TTC6: variants seen among roughly 807,000 people sequenced by gnomAD.
The protein encoded by TTC6 is tetratricopeptide repeat domain 6.
Under a neutral mutation model 210.4 loss-of-function variants are expected in TTC6, and 172 were observed. The ratio of observed to expected loss-of-function variants is 0.82; its 90% CI spans 0.72 to 0.93. TTC6 has a LOEUF of 0.93. Ranked by LOEUF, TTC6 falls within the 40% of genes least tolerant of loss-of-function variation. The pLI is 0.00. For missense variants in TTC6, 2,414 were observed against 2,318.1 expected (o/e 1.04, Z -0.85); for synonymous variants, 804 against 819.6 (o/e 0.98, Z 0.32).
At chr14:37,716,613 C>G (rs906747744) in intron 6 of TTC6, among the ~76,000 whole-genome samples, 1 of 152,058 alleles carries the variant, frequency 6.6e-6, no homozygotes, top group Admixed American at 6.6e-5. Flanking sequence ...ATAAAAGTGT[C>G]AGCACATCAA....
In TTC6 at chr14:37,650,076, T is replaced by G. The variant is rs921838488; in HGVS notation, c.939+27073T>G. On this transcript the variant is annotated intron_variant, in intron 1 of 30. Coordinates refer to ENST00000553443, the Ensembl canonical transcript of TTC6. ...TGCTTAGTCTTTCAGAAGAAACACT[T>G]TCTAAAATCTGCTATACTCATTCCC... Among the ~76,000 whole-genome samples the G allele has an allele frequency of 2.6e-5, 4 of 152,212 alleles. 1 individual carries two copies. The highest frequency in any genetic ancestry group is 9.7e-5 in the African/African-American group (4 of 41,444).
chr14:37,615,551 A>T (rs1341545641), intron 2 of TTC6, among the ~76,000 whole-genome samples: 1 of 151,720 alleles, frequency 6.6e-6, no homozygotes, highest in Non-Finnish European at 1.5e-5. Flanking sequence ...TGACATCTCC[A>T]TTTTCCTAAT....
upstream of TTC6, among the ~76,000 whole-genome samples, chr14:37,620,106 G>T (rs908160087): frequency 6.6e-6 from 1 of 152,106 alleles, no homozygotes; most frequent in East Asian, 1.9e-4. Flanking sequence ...TACCATTATA[G>T]TAAAAAAATT....
chr14:37,611,679 AGG>A (rs1254619238), intron 2 of TTC6, among the ~76,000 whole-genome samples: 1 of 152,006 alleles, frequency 6.6e-6, no homozygotes, highest in East Asian at 1.9e-4. Flanking sequence ...AAGGAGAAAG[AGG>A]GGGATTCAAA....
intron 8 of TTC6, among the ~76,000 whole-genome samples, chr14:37,737,405 G>T (rs139247035): frequency 2.7e-5 from 4 of 147,762 alleles, no homozygotes; most frequent in African/African-American, 9.8e-5. Flanking sequence ...CAGGTACTTG[G>T]TGTTTGTTAT....
In TTC6 at chr14:37,751,308, A is replaced by G. The variant is rs892573759; in HGVS notation, c.3129+83A>G. ...TGCAAATAGTACAGCAAGTTTTTGA[A>G]GGTCTTTTTGTATATATTATATAAT... On this transcript the variant is annotated intron_variant, in intron 13 of 30. Coordinates refer to ENST00000553443, the Ensembl canonical transcript of TTC6. 161 of 1,032,518 alleles carry G rather than the reference A, an allele frequency of 1.6e-4. 1 individual carries two copies. The highest frequency in any genetic ancestry group is 2.4e-4 in the Admixed American group (7 of 29,472). 64.0% of individuals were successfully genotyped at this position (1,032,518 alleles called of 1,614,324 possible).
At position 37,795,255 on chromosome 14, in the gene TTC6, T is replaced by C; in HGVS notation, c.3709-15T>C. On this transcript the variant is annotated splice_polypyrimidine_tract_variant and intron_variant, in intron 17 of 30. Transcript: ENST00000553443. ...GATGTTATTAGGAGCTAAATTTCTG[T>C]TTCTCACTCAACAGTTGCATAAATT... 6.6e-7 allele frequency: 1 copy of C among 1,519,344 alleles called. No individual in the cohort carries two copies. The highest frequency in any genetic ancestry group is 2.5e-5 in the East Asian group (1 of 40,386). The allele number at this position is 1,519,344 out of a possible 1,614,324, so 94.1% of individuals were successfully genotyped here. A position where few individuals can be genotyped will look rare whatever the true frequency, so the allele number is the denominator to read the frequency against.
intron 2 of TTC6, among the ~76,000 whole-genome samples, chr14:37,614,938 A>C (rs1431516705): frequency 1.3e-5 from 2 of 151,996 alleles, no homozygotes; most frequent in Non-Finnish European, 2.9e-5. Flanking sequence ...GTACAGATGG[A>C]GTTTCACCAT....
At chr14:37,623,150 C>T in intron 1 of TTC6, 147 bp downstream of exon 3, 1 of 591,892 alleles carries the variant, frequency 1.7e-6, no homozygotes, top group Non-Finnish European at 2.7e-6. Flanking sequence ...TATTCAACTT[C>T]TTTGCATTTT....
chr14:37,621,006 C>T (rs1365627802), upstream of TTC6, among the ~76,000 whole-genome samples: 1 of 152,168 alleles, frequency 6.6e-6, no homozygotes, highest in African/African-American at 2.4e-5. Flanking sequence ...TTTCCAGTAG[C>T]TCACAGAAAA....
At chr14:37,713,942 A>G (rs1013114452) in intron 5 of TTC6, among the ~76,000 whole-genome samples, 2 of 152,166 alleles carry the variant, frequency 1.3e-5, no homozygotes, top group Non-Finnish European at 1.5e-5. Context: ...TGATATATCT[A>G]TATTATGTAT....
At chr14:37,817,831 A>T (rs2096145802) in intron 26 of TTC6, among the ~76,000 whole-genome samples, 180 bp downstream of exon 28, 1 of 152,168 alleles carries the variant, frequency 6.6e-6, no homozygotes, top group Non-Finnish European at 1.5e-5. Context: ...GACCACACTT[A>T]GTGTTCCTCA....
intron 1 of TTC6, among the ~76,000 whole-genome samples, chr14:37,679,332 A>G (rs1368952316): frequency 6.6e-6 from 1 of 152,134 alleles, no homozygotes; most frequent in South Asian, 2.1e-4. Flanking sequence ...CACAGTTTGG[A>G]TGGACAGAAC....
At chr14:37,835,331 T>C (rs1016191907) in intron 29 of TTC6, among the ~76,000 whole-genome samples, 1 of 152,198 alleles carries the variant, frequency 6.6e-6, no homozygotes, top group Non-Finnish European at 1.5e-5. Context: ...TAAGAGGTTT[T>C]TTTTGTGTGT....
exon 31 of TTC6, chr14:37,842,309 G>A (rs753087906): frequency 6.4e-7 from 1 of 1,572,502 alleles, no homozygotes; most frequent in South Asian, 1.2e-5. Context: ...GACTGTGGTT[G>A]CTATAGTAGT....
chr14:37,620,697 T>C (rs1028647653), upstream of TTC6, among the ~76,000 whole-genome samples: 3 of 152,226 alleles, frequency 2.0e-5, no homozygotes, highest in African/African-American at 7.2e-5. Context: ...ACAAAATTTG[T>C]CCTCTTTACC....
intron 1 of TTC6, 100 bp downstream of exon 3, chr14:37,623,103 A>G (rs2095654599): frequency 6.0e-6 from 5 of 838,752 alleles, no homozygotes; most frequent in Non-Finnish European, 8.8e-6. Context: ...TCAGTGCATA[A>G]GGTGTCATGT....
At chr14:37,623,100 A>C (rs1302650806) in intron 1 of TTC6, 97 bp downstream of exon 3, 3 of 843,942 alleles carry the variant, frequency 3.6e-6, no homozygotes, top group Non-Finnish European at 5.2e-6. Flanking sequence ...ATTTCAGTGC[A>C]TAAGGTGTCA....
At position 37,682,155 on chromosome 14, in the gene TTC6, ATT is replaced by A. The variant is rs10714917; in HGVS notation, c.1051-591_1051-590del. Among the ~76,000 whole-genome samples the A allele has an allele frequency of 6.7e-4, 99 of 147,806 alleles. 1 individual carries two copies. The highest frequency in any genetic ancestry group is 1.1e-3 in the Admixed American group (17 of 14,850). ...ACTGCTCCAGTGTGTCGAACCACTA[ATT>A]TTTTTTTTTTTGGTTGGGCATAGCC... On this transcript the variant is annotated intron_variant, in intron 2 of 30. Coordinates refer to ENST00000553443, the Ensembl canonical transcript of TTC6.
Sources: allele counts gnomAD v4.1 joint callset (sites outside exome capture counted in the v4.1 genomes callset), GRCh38; gene constraint gnomAD v4.1.1; transcripts MANE v1.5; gene names NCBI Gene and HGNC (gene_info 2026-07-23, HGNC 2026-07-21).